The following COMMD1 variants were observed in gnomAD, a reference collection of about 807,000 sequenced individuals.
COMMD1 encodes the protein COMM domain-containing protein 1.
In COMMD1, 10 loss-of-function variants were observed where a neutral mutation model predicts 17.2. The observed-to-expected ratio is 0.58, with a 90% CI of 0.36 to 0.99. The LOEUF (loss-of-function observed/expected upper bound fraction) is 0.99. Ranked by LOEUF, COMMD1 falls within the 50% of genes least tolerant of loss-of-function variation. The pLI is 0.01. For missense variants in COMMD1, 270 were observed against 231.8 expected, an observed-to-expected ratio of 1.17 and a Z score of -1.07; for synonymous variants, 97 against 91.6, an observed-to-expected ratio of 1.06 and a Z score of -0.34.
chr2:62,079,171 A>T (rs946219593), intron 2 of COMMD1, among the ~76,000 whole-genome samples: 2 of 152,184 alleles, frequency 1.3e-5, no homozygotes, highest in African/African-American at 2.4e-5. Context: ...ATTCAGGGTG[A>T]GTCCACAGCG....
intron 2 of COMMD1, among the ~76,000 whole-genome samples, chr2:62,023,168 A>G (rs1171061150): frequency 2.0e-5 from 3 of 151,862 alleles, no homozygotes; most frequent in African/African-American, 7.3e-5. Flanking sequence ...GGAGGTTGCA[A>G]TGAGCTGAGA....
At chr2:62,010,868 C>G (rs1039783396) in intron 2 of COMMD1, among the ~76,000 whole-genome samples, 1 of 152,218 alleles carries the variant, frequency 6.6e-6, no homozygotes, top group African/African-American at 2.4e-5. Flanking sequence ...GTTTTCAACA[C>G]ACAGCATCCA....
intron 2 of COMMD1, among the ~76,000 whole-genome samples, chr2:62,060,276 A>G (rs1670822758): frequency 6.6e-6 from 1 of 152,188 alleles, no homozygotes; most frequent in African/African-American, 2.4e-5. Context: ...GGCTGCAGTG[A>G]GCTGAGATCA....
At chr2:62,069,211 G>A (rs1225652007) in intron 2 of COMMD1, among the ~76,000 whole-genome samples, 1 of 151,598 alleles carries the variant, frequency 6.6e-6, no homozygotes, top group African/African-American at 2.4e-5. Context: ...TTCCCAGGCT[G>A]GTCTCAAACT....
chr2:62,092,813 G>A (rs1393366325), intron 2 of COMMD1, among the ~76,000 whole-genome samples: 1 of 152,118 alleles, frequency 6.6e-6, no homozygotes, highest in Admixed American at 6.5e-5. Flanking sequence ...TCCCTGTTAC[G>A]ATTTCACAGG....
chr2:62,118,338 G>A (rs1460151178), intron 2 of COMMD1: 3 of 152,306 alleles, frequency 2.0e-5, no homozygotes, highest in East Asian at 3.9e-4. Context: ...TAATGTGAGG[G>A]ATGATTATTG....
chr2:61,953,198 C>T (rs550758936), intron 1 of COMMD1, among the ~76,000 whole-genome samples: 4 of 151,428 alleles, frequency 2.6e-5, no homozygotes, highest in Admixed American at 1.3e-4. Flanking sequence ...TTAGTGGTGA[C>T]GGGGTTTCAC....
intron 2 of COMMD1, among the ~76,000 whole-genome samples, chr2:62,094,400 G>A (rs1327311768): frequency 1.3e-5 from 2 of 152,170 alleles, no homozygotes; most frequent in Non-Finnish European, 2.9e-5. Context: ...ATAGCCCTCA[G>A]TCAAGGAGGG....
At position 62,041,833 on chromosome 2, in the gene COMMD1, A is replaced by C. The variant is rs922104430; in HGVS notation, c.462+40851A>C. Among the ~76,000 whole-genome samples the C allele has an allele frequency of 3.3e-5, 5 of 152,208 alleles. No homozygotes were observed. The East Asian group carries it at 9.6e-4, about 29-fold the overall frequency. ...GTGGGTTCGTGGTCTCGCTGGCTTC[A>C]GGAGTCAAGCTGCAGACTTTTGCTG... On this transcript the variant is annotated intron_variant, in intron 2 of 2. Transcript: ENST00000311832.
intron 2 of COMMD1, among the ~76,000 whole-genome samples, chr2:62,025,225 A>T (rs937754698): frequency 6.6e-6 from 1 of 151,694 alleles, no homozygotes; most frequent in African/African-American, 2.4e-5. Context: ...GCCTCAAAAA[A>T]CAAACAAACA....
At position 61,919,832 on chromosome 2, in the gene COMMD1, A is replaced by G. The variant is rs1174177183; in HGVS notation, c.180+13974A>G. ...TTACAGCTTCTCCAATAGTTCTTTA[A>G]AGGTCTAGTACAGACTGGGTGCAAT... On this transcript the variant is annotated intron_variant, in intron 1 of 2. Coordinates refer to ENST00000311832, the MANE Select transcript of COMMD1 (RefSeq NM_152516.4). Among the ~76,000 whole-genome samples the G allele has an allele frequency of 3.9e-5, 6 of 152,112 alleles. No individual in the cohort carries two copies. In the South Asian group the frequency reaches 1.2e-3, roughly 32 times the overall value.
At position 62,101,505 on chromosome 2, in the gene COMMD1, G is replaced by A. The variant is rs539980372; in HGVS notation, c.463-34326G>A. 4.6e-5 allele frequency among the ~76,000 whole-genome samples: 7 copies of A among 152,254 alleles called. No individual in the cohort carries two copies. In the South Asian group the frequency reaches 1.2e-3, roughly 27 times the overall value. On this transcript the variant is annotated intron_variant, in intron 2 of 2. Coordinates refer to ENST00000311832, the MANE Select transcript of COMMD1 (RefSeq NM_152516.4). ...GACACCTGTAGTTCTAGCTATTCAG[G>A]AGGCTGAGACAGGAGAATCACTTGA...
chr2:62,010,531 C>CTGGAGATATAT (rs946105415), intron 2 of COMMD1, among the ~76,000 whole-genome samples: 1 of 152,156 alleles, frequency 6.6e-6, no homozygotes, highest in African/African-American at 2.4e-5. Context: ...ATATTTATGA[C>CTGGAGATATAT]ATACTGGAGA....
chr2:62,043,018 T>C (rs1185150331), intron 2 of COMMD1, among the ~76,000 whole-genome samples: 3 of 152,242 alleles, frequency 2.0e-5, no homozygotes, highest in Non-Finnish European at 2.9e-5. Context: ...CCACTAACTT[T>C]GGACTAAGGA....
intron 1 of COMMD1, among the ~76,000 whole-genome samples, chr2:61,911,876 C>G (rs553729137): frequency 3.9e-5 from 6 of 152,338 alleles, no homozygotes; most frequent in South Asian, 2.1e-4. Context: ...ACTCACTTCT[C>G]TGATCTCATT....
At chr2:61,979,349 T>C (rs1480352026) in intron 1 of COMMD1, among the ~76,000 whole-genome samples, 2 of 151,940 alleles carry the variant, frequency 1.3e-5, no homozygotes, top group East Asian at 3.9e-4. Context: ...TGGTGGCAGG[T>C]ACCTGTAACC....
intron 2 of COMMD1, among the ~76,000 whole-genome samples, chr2:62,099,891 C>T (rs1209962525): frequency 2.6e-5 from 4 of 152,074 alleles, no homozygotes; most frequent in African/African-American, 4.8e-5. Flanking sequence ...GGGGCGCCTT[C>T]CAGCTGGGAG....
intron 2 of COMMD1, among the ~76,000 whole-genome samples, chr2:62,008,538 G>T (rs1051313355): frequency 6.6e-6 from 1 of 152,122 alleles, no homozygotes. Flanking sequence ...AATAGCTACC[G>T]AGGGGAACAG....
At chr2:62,049,729 T>C (rs1241029453) in intron 2 of COMMD1, among the ~76,000 whole-genome samples, 1 of 152,220 alleles carries the variant, frequency 6.6e-6, no homozygotes, top group Non-Finnish European at 1.5e-5. Context: ...TTCTAGTGTT[T>C]CCTCATTAGT....
Sources: allele counts gnomAD v4.1 joint callset (sites outside exome capture counted in the v4.1 genomes callset), GRCh38; gene constraint gnomAD v4.1.1; transcripts MANE v1.5; gene names NCBI Gene and HGNC (gene_info 2026-07-23, HGNC 2026-07-21).